ARHGAP15: variants seen among roughly 807,000 people sequenced by gnomAD.
ARHGAP15 encodes Rho GTPase activating protein 15.
Under a neutral mutation model 63.7 loss-of-function variants are expected in ARHGAP15, and 51 were observed. That is an observed-to-expected ratio of 0.80 (90% confidence interval 0.64 to 1.01). The LOEUF (loss-of-function observed/expected upper bound fraction) is 1.01, where lower values mean the gene tolerates loss of function less well. ARHGAP15 is among the 50% of genes least tolerant of loss of function. The probability of loss-of-function intolerance (pLI) is 0.00; values close to 1 mark genes in which losing one functional copy is unlikely to be tolerated. For missense variants in ARHGAP15, 560 were observed against 564.6 expected, an observed-to-expected ratio of 0.99 and a Z score of 0.08; for synonymous variants, 191 against 193.8, an observed-to-expected ratio of 0.99 and a Z score of 0.12.
chr2:143,447,144 G>A (rs1234108090), intron 8 of ARHGAP15, among the ~76,000 whole-genome samples: 1 of 152,094 alleles, frequency 6.6e-6, no homozygotes, highest in Non-Finnish European at 1.5e-5. Flanking sequence ...TATATACCCA[G>A]TAATGGGCTG....
intron 3 of ARHGAP15, among the ~76,000 whole-genome samples, chr2:143,203,526 A>G (rs1692206562): frequency 6.6e-6 from 1 of 152,136 alleles, no homozygotes; most frequent in South Asian, 2.1e-4. Context: ...AGTGGGTACA[A>G]TGCTCACTGT....
intron 6 of ARHGAP15, among the ~76,000 whole-genome samples, chr2:143,291,641 C>T (rs1425010874): frequency 6.6e-6 from 1 of 152,038 alleles, no homozygotes; most frequent in Non-Finnish European, 1.5e-5. Flanking sequence ...GACAGGATCC[C>T]ATTATCTTCC....
chr2:143,630,062 A>G (rs1699003130), intron 12 of ARHGAP15, among the ~76,000 whole-genome samples: 1 of 152,142 alleles, frequency 6.6e-6, no homozygotes, highest in East Asian at 1.9e-4. Context: ...ATGTCATCTT[A>G]TATAAGACTA....
chr2:143,479,387 G>T (rs1323509271), intron 8 of ARHGAP15, among the ~76,000 whole-genome samples: 1 of 150,718 alleles, frequency 6.6e-6, no homozygotes. Flanking sequence ...TTATATTTAA[G>T]GCTCTTCTCA....
At chr2:143,265,557 G>GA (rs1202671479) in intron 6 of ARHGAP15, among the ~76,000 whole-genome samples, 1 of 152,030 alleles carries the variant, frequency 6.6e-6, no homozygotes, top group East Asian at 1.9e-4. Context: ...CATCAGTTTA[G>GA]AAAAAATATG....
intron 11 of ARHGAP15, among the ~76,000 whole-genome samples, chr2:143,573,614 G>A (rs1696551032): frequency 6.6e-6 from 1 of 152,134 alleles, no homozygotes; most frequent in Non-Finnish European, 1.5e-5. Context: ...TAAAAGTATT[G>A]TTAATTTGCT....
chr2:143,702,511 C>A (rs1574860919), intron 12 of ARHGAP15, among the ~76,000 whole-genome samples: 1 of 152,100 alleles, frequency 6.6e-6, no homozygotes, highest in African/African-American at 2.4e-5. Flanking sequence ...TTCCCTTCTA[C>A]AAAATCAAGC....
At chr2:143,242,499 A>G (rs949757241) in intron 5 of ARHGAP15, among the ~76,000 whole-genome samples, 23 of 152,246 alleles carry the variant, frequency 1.5e-4, no homozygotes, top group African/African-American at 5.5e-4. Context: ...TCAGAAACAA[A>G]TACAATAGGT....
chr2:143,331,834 A>G (rs1223021215), intron 6 of ARHGAP15, among the ~76,000 whole-genome samples: 1 of 152,126 alleles, frequency 6.6e-6, no homozygotes. Flanking sequence ...TTAACTTGTG[A>G]TTCTAATGTT....
At chr2:143,187,430 T>A (rs1251058060) in intron 2 of ARHGAP15, among the ~76,000 whole-genome samples, 2 of 152,204 alleles carry the variant, frequency 1.3e-5, no homozygotes, top group Non-Finnish European at 2.9e-5. Flanking sequence ...ATTGTTTGGA[T>A]AAAGAATGCA....
intron 6 of ARHGAP15, among the ~76,000 whole-genome samples, chr2:143,292,199 G>A (rs1010966194): frequency 6.6e-6 from 1 of 152,050 alleles, no homozygotes; most frequent in African/African-American, 2.4e-5. Context: ...CCATTTTGGG[G>A]TGACAGTTAG....
intron 11 of ARHGAP15, among the ~76,000 whole-genome samples, chr2:143,610,620 T>A (rs1000309491): frequency 6.6e-6 from 1 of 152,232 alleles, no homozygotes; most frequent in African/African-American, 2.4e-5. Context: ...CCTCATAAAA[T>A]GTACGGCATT....
intron 9 of ARHGAP15, among the ~76,000 whole-genome samples, chr2:143,496,222 A>C (rs1248598661): frequency 6.6e-6 from 1 of 152,152 alleles, no homozygotes; most frequent in Non-Finnish European, 1.5e-5. Context: ...CTTTTGTTCA[A>C]TAATAAGATA....
At position 143,745,327 on chromosome 2, in the gene ARHGAP15, C is replaced by CCTTCAG. The variant is rs1686121563; in HGVS notation, c.1245-22661_1245-22656dup. On this transcript the variant is annotated intron_variant, in intron 13 of 13. Transcript: ENST00000295095. Reference sequence around the variant, plus strand: ...ATCACCCTTTTACACTGTGACTTCACCTTCAGGGTCCTTTCTCACAGAGCA... The same window carrying CCTTCAG: ...ATCACCCTTTTACACTGTGACTTCACCTTCAGCTTCAGGGTCCTTTCTCACAGAGCA... Among the ~76,000 whole-genome samples the CCTTCAG allele has an allele frequency of 2.0e-5, 3 of 152,216 alleles. No individual in the cohort carries two copies. In the South Asian group the frequency reaches 6.2e-4, roughly 32 times the overall value.
intron 12 of ARHGAP15, among the ~76,000 whole-genome samples, chr2:143,697,988 A>T (rs1683925207): frequency 6.6e-6 from 1 of 152,160 alleles, no homozygotes; most frequent in South Asian, 2.1e-4. Flanking sequence ...TGCATTAGAC[A>T]TTTCAGAATA....
At chr2:143,603,380 C>T (rs1451086777) in intron 11 of ARHGAP15, among the ~76,000 whole-genome samples, 4 of 152,094 alleles carry the variant, frequency 2.6e-5, no homozygotes, top group South Asian at 2.1e-4. Context: ...TTGTCATGCT[C>T]GTGGGAAGGC....
chr2:143,378,874 TAC>T (rs1686927850), intron 6 of ARHGAP15, among the ~76,000 whole-genome samples: 1 of 152,086 alleles, frequency 6.6e-6, no homozygotes, highest in African/African-American at 2.4e-5. Flanking sequence ...AGATAAATAT[TAC>T]AGTTTGTAAG....
intron 10 of ARHGAP15, among the ~76,000 whole-genome samples, chr2:143,554,804 AAAAC>A (rs368208340): frequency 2.0e-5 from 3 of 152,294 alleles, no homozygotes; most frequent in East Asian, 1.9e-4. Context: ...ATTGTACTTT[AAAAC>A]AAACAAACCA....
chr2:143,492,502 T>C (rs1266118658), intron 9 of ARHGAP15, among the ~76,000 whole-genome samples: 3 of 152,218 alleles, frequency 2.0e-5, no homozygotes, highest in Non-Finnish European at 2.9e-5. Flanking sequence ...CTCATGCCTG[T>C]AGTCCAAACA....
Sources: gnomAD v4.1 joint callset for allele counts (sites outside exome capture counted in the v4.1 genomes callset) on GRCh38, gnomAD v4.1.1 for gene constraint, MANE v1.5 for transcripts, NCBI Gene and HGNC (gene_info 2026-07-23, HGNC 2026-07-21) for gene names.